Variants in ZNF429 observed in about 807,000 individuals in gnomAD.
ZNF429 encodes zinc finger protein 429.
ZNF429 carries 53 observed loss-of-function variants against 56.8 expected under a neutral mutation model. That is an observed-to-expected ratio of 0.93 (90% CI 0.75 to 1.17). ZNF429 has a LOEUF of 1.17. Among genes scored for constraint, ZNF429 ranks in the 50% most tolerant of loss-of-function variants. ZNF429 has a pLI of 0.00. For missense variants in ZNF429, 849 were observed against 788.4 expected, an observed-to-expected ratio of 1.08 and a Z score of -0.92; for synonymous variants, 278 against 264.7, an observed-to-expected ratio of 1.05 and a Z score of -0.49.
intron 1 of ZNF429, among the ~76,000 whole-genome samples, chr19:21,517,655 T>C (rs902318619): frequency 2.0e-5 from 3 of 152,128 alleles, no homozygotes; most frequent in East Asian, 3.9e-4. Context: ...TGTTTGGTAT[T>C]GGGAGAATGT....
At chr19:21,535,360 T>TTCCTTTC in intron 3 of ZNF429, among the ~76,000 whole-genome samples, 2 of 66,346 alleles carry the variant, frequency 3.0e-5, no homozygotes, top group East Asian at 3.5e-4. Context: ...TTTCTTTTCT[T>TTCCTTTC]CTTTCTTTCT....
intron 1 of ZNF429, among the ~76,000 whole-genome samples, chr19:21,511,099 A>G (rs1316005878): frequency 9.2e-5 from 14 of 151,940 alleles, no homozygotes; most frequent in Admixed American, 9.2e-4. Flanking sequence ...TGTTGGGTAC[A>G]CCTCCCAGAC....
intron 1 of ZNF429, among the ~76,000 whole-genome samples, chr19:21,506,347 A>G (rs1427904676): frequency 6.7e-6 from 1 of 148,524 alleles, no homozygotes; most frequent in Non-Finnish European, 1.5e-5. Flanking sequence ...AATCCCAGCT[A>G]TGTGGGAGGC....
At chr19:21,519,528 G>T (rs988089770) in intron 1 of ZNF429, among the ~76,000 whole-genome samples, 1 of 152,180 alleles carries the variant, frequency 6.6e-6, no homozygotes, top group African/African-American at 2.4e-5. Context: ...GTCATAGTAT[G>T]ATTAACTGCT....
chr19:21,516,233 T>C (rs1377989181), intron 1 of ZNF429, among the ~76,000 whole-genome samples: 3 of 151,760 alleles, frequency 2.0e-5, no homozygotes, highest in Non-Finnish European at 4.4e-5. Context: ...TATGCTCTGC[T>C]ATCATCATCA....
At chr19:21,531,357 G>T in intron 3 of ZNF429, among the ~76,000 whole-genome samples, 1 of 152,100 alleles carries the variant, frequency 6.6e-6, no homozygotes, top group East Asian at 1.9e-4. Flanking sequence ...CCCAACAAAA[G>T]AGGCTTACCT....
At chr19:21,534,716 C>T in intron 3 of ZNF429, among the ~76,000 whole-genome samples, 1 of 151,940 alleles carries the variant, frequency 6.6e-6, no homozygotes, top group Non-Finnish European at 1.5e-5. Flanking sequence ...TAACAGAATA[C>T]ACCAGGTGCA....
chr19:21,522,654 T>A (rs1334000448), intron 1 of ZNF429, among the ~76,000 whole-genome samples: 1 of 152,178 alleles, frequency 6.6e-6, no homozygotes, highest in Non-Finnish European at 1.5e-5. Context: ...CCCAGCACTT[T>A]GGGAGGCCAA....
intron 3 of ZNF429, among the ~76,000 whole-genome samples, chr19:21,531,636 TCTA>T: frequency 1.3e-5 from 2 of 152,072 alleles, no homozygotes; most frequent in Non-Finnish European, 2.9e-5. Context: ...AAACCCTGTC[TCTA>T]CTAAAAAATA....
chr19:21,538,043 A>G lies in ZNF429; in HGVS notation c.1990A>G (p.Ile664Val), dbSNP rs1192059835. ...PSTLGGRGGR[I>V]TRSGDRDRPG is the part of the protein sequence containing the mutation. Reference sequence around the variant, plus strand: ...CACTTTGGGAGGCAGAGGTGGGCGGATCACGAGGTCAGGAGATCGAGACCG... The same window carrying G: ...CACTTTGGGAGGCAGAGGTGGGCGGGTCACGAGGTCAGGAGATCGAGACCG... The change falls in exon 4 of 4, where the codon ATC becomes GTC. Residue 664 changes from isoleucine (I) to valine (V), a missense_variant. Coordinates refer to ENST00000358491, the MANE Select transcript of ZNF429 (RefSeq NM_001001415.4). The G allele has an allele frequency of 3.9e-6, 6 of 1,557,208 alleles. No individual in the cohort carries two copies. The highest frequency in any genetic ancestry group is 1.1e-5 in the South Asian group (1 of 89,534).
intron 1 of ZNF429, among the ~76,000 whole-genome samples, chr19:21,515,893 A>T (rs755298761): frequency 6.6e-6 from 1 of 152,106 alleles, no homozygotes; most frequent in Non-Finnish European, 1.5e-5. Flanking sequence ...AGATGGTCGT[A>T]GGTGTGCAGC....
chr19:21,511,312 T>A lies in ZNF429; in HGVS notation c.3+5538T>A, dbSNP rs1428471803. Among the ~76,000 whole-genome samples the A allele has an allele frequency of 2.6e-5, 4 of 151,724 alleles. No individual in the cohort carries two copies. In the East Asian group the frequency reaches 5.8e-4, roughly 22 times the overall value. Reference sequence around the variant, plus strand: ...GCTGCCGGGCGGAGACGCTCCTCACTGCCCAGATGGGACGGCTGCCAGGCG... The same window carrying A: ...GCTGCCGGGCGGAGACGCTCCTCACAGCCCAGATGGGACGGCTGCCAGGCG... On this transcript the variant is annotated intron_variant, in intron 1 of 3. Transcript: ENST00000358491.
chr19:21,508,929 G>A (rs996649374), intron 1 of ZNF429, among the ~76,000 whole-genome samples: 2 of 152,058 alleles, frequency 1.3e-5, no homozygotes, highest in Non-Finnish European at 2.9e-5. Context: ...TCTATATCCT[G>A]TTATCTTTAT....
chr19:21,527,375 G>A (rs771218848), intron 1 of ZNF429, among the ~76,000 whole-genome samples: 12 of 152,072 alleles, frequency 7.9e-5, no homozygotes. Context: ...CTCTTTACTT[G>A]TGCCCTTTCA....
Position 21,535,412 on chromosome 19 carries a change from T to TTTTCTCTCTC in ZNF429, c.227-863_227-862insCTCTCTTTCT. Among the ~76,000 whole-genome samples, 51 of 55,388 alleles carry TTTTCTCTCTC rather than the reference T, an allele frequency of 9.2e-4. 6 individuals carry two copies. The highest frequency in any genetic ancestry group is 5.0e-3 in the African/African-American group (51 of 10,206). 36.3% of individuals were successfully genotyped at this position (55,388 alleles called of 152,430 possible). A position where few individuals can be genotyped will look rare whatever the true frequency, so the allele number is the denominator to read the frequency against. On this transcript the variant is annotated intron_variant, in intron 3 of 3. Transcript: ENST00000358491. ...TTCTTTCTTTCTTTCTTTCTTTTTC[T>TTTTCTCTCTC]TTTCTTTCTTTCTTTCTTTCTTTCT...
chr19:21,507,207 A>G (rs8100318), intron 1 of ZNF429, among the ~76,000 whole-genome samples: 29,830 of 152,050 alleles, frequency 0.2, 3,008 homozygotes, highest in African/African-American at 0.22. Flanking sequence ...AGGGTCTCAA[A>G]TCTACTCCCA....
At position 21,538,045 on chromosome 19, in the gene ZNF429, C is replaced by A; in HGVS notation, c.1992C>A (p.Ile664=). Residue 664 remains isoleucine, a synonymous_variant, in exon 4 of 4, where the codon ATC becomes ATA. Coordinates refer to ENST00000358491, the MANE Select transcript of ZNF429 (RefSeq NM_001001415.4). ...CTTTGGGAGGCAGAGGTGGGCGGAT[C>A]ACGAGGTCAGGAGATCGAGACCGTC... ...PSTLGGRGGR[I]TRSGDRDRPG 6.5e-7 allele frequency: 1 copy of A among 1,543,916 alleles called. No homozygotes were observed. Among genetic ancestry groups the A allele is most frequent in the Non-Finnish European group, 8.9e-7 (1 of 1,122,724 alleles).
intron 3 of ZNF429, among the ~76,000 whole-genome samples, chr19:21,533,270 T>C: frequency 6.6e-6 from 1 of 152,144 alleles, no homozygotes. Flanking sequence ...AAAATTTAGT[T>C]CAGTTGTTTT....
chr19:21,528,713 G>GA (rs902857795), intron 1 of ZNF429, among the ~76,000 whole-genome samples: 11 of 147,920 alleles, frequency 7.4e-5, no homozygotes, highest in Non-Finnish European at 9.0e-5. Flanking sequence ...TCAAAAAAAA[G>GA]AAAAAAAAAA....
Sources: gnomAD v4.1 joint callset for allele counts (sites outside exome capture counted in the v4.1 genomes callset) on GRCh38, gnomAD v4.1.1 for gene constraint, MANE v1.5 for transcripts, NCBI Gene and HGNC (gene_info 2026-07-23, HGNC 2026-07-21) for gene names.